DOT1L: variants seen among roughly 807,000 people sequenced by gnomAD.
DOT1L encodes histone-lysine N-methyltransferase, H3 lysine-79 specific.
In DOT1L, 33 loss-of-function variants were observed where a neutral mutation model predicts 153.3. That is an observed-to-expected ratio of 0.22 (90% CI 0.16 to 0.29). DOT1L has a LOEUF of 0.29. DOT1L is among the 10% of genes least tolerant of loss of function. The probability of loss-of-function intolerance (pLI) is 1.00; values close to 1 mark genes in which losing one functional copy is unlikely to be tolerated. For missense variants in DOT1L, 1,847 were observed against 2,119.9 expected (o/e 0.87, Z 2.53); for synonymous variants, 1,135 against 965.1 (o/e 1.18, Z -3.26).
rs73516503 is a variant in DOT1L, at chr19:2,208,586, C to T, written c.964-349C>T. On this transcript the variant is annotated intron_variant, in intron 11 of 27. Transcript: ENST00000398665. The surrounding 1 kb of genome is among the most constrained non-coding windows in gnomAD (Gnocchi z 4.4). ...GCTGCCCTGGCACTGACGCCCTCGG[C>T]GCAGCCTCTCGCCTTCTCCTCTGAG... Among the ~76,000 whole-genome samples the T allele has an allele frequency of 3.4e-3, 518 of 152,300 alleles. 1 individual carries two copies. Among genetic ancestry groups the T allele is most frequent in the African/African-American group, 0.012 (482 of 41,550 alleles).
chr19:2,218,675 G>C (rs1390721352), intron 22 of DOT1L, among the ~76,000 whole-genome samples: 1 of 151,548 alleles, frequency 6.6e-6, no homozygotes, highest in Non-Finnish European at 1.5e-5. Flanking sequence ...TTACAGGCGT[G>C]AGCCACGACG....
At chr19:2,211,493 C>T (rs1438413544) in intron 15 of DOT1L, among the ~76,000 whole-genome samples, 1 of 152,204 alleles carries the variant, frequency 6.6e-6, no homozygotes, top group African/African-American at 2.4e-5. Flanking sequence ...GGGTGCAGGC[C>T]AGGGATGCTG....
rs2024184524 is a variant in DOT1L, at chr19:2,222,986, G to GCTGTCTC, written c.3391-294_3391-288dup. On this transcript the variant is annotated intron_variant, in intron 24 of 27. Transcript: ENST00000398665. The surrounding 1 kb of genome is among the most constrained non-coding windows in gnomAD (Gnocchi z 6.5). ...GCAGCCTGGGAAGAGGCGGCCGACA[G>GCTGTCTC]CTGTCTCTGGGGTTCGGAGTGCGAT... The GCTGTCTC allele has an allele frequency of 1.5e-5, 7 of 456,068 alleles. No individual in the cohort carries two copies. In the East Asian group the frequency reaches 2.6e-4, roughly 17 times the overall value. The allele number at this position is 456,068 out of a possible 1,614,324, so 28.3% of individuals were successfully genotyped here.
chr19:2,229,225 G>A (rs537716383), intron 27 of DOT1L: 12 of 985,466 alleles, frequency 1.2e-5, no homozygotes, highest in Non-Finnish European at 1.4e-5. Context: ...TGGAGACTGT[G>A]GCCGCTGACC....
Position 2,164,110 on chromosome 19 carries a change from C to A in DOT1L, c.-75C>A. ...CTCCCGCCCCTCCCTCCCGCCCGCC[C>A]TCCTCCGCCCACCGGCGGCCCCGCC... On this transcript the variant is annotated 5_prime_UTR_variant, in exon 1 of 28. Coordinates refer to ENST00000398665, the MANE Select transcript of DOT1L (RefSeq NM_032482.3). 3.6e-6 allele frequency: 1 copy of A among 274,352 alleles called. No individual in the cohort carries two copies. The highest frequency in any genetic ancestry group is 5.7e-6 in the Non-Finnish European group (1 of 174,420). The allele number at this position is 274,352 out of a possible 1,614,324, so 17.0% of individuals were successfully genotyped here.
Position 2,202,787 on chromosome 19 carries a change from G to A in DOT1L, c.787+8G>A, listed in dbSNP as rs778873889. On this transcript the variant is annotated splice_region_variant and intron_variant, in intron 9 of 27. Transcript: ENST00000398665. ...TTGCAAACATGAAGGAAGGTAAGGCGCCCTCCTCGCCGGTCTGTGCTGGTG... is the reference window on the plus strand; with the variant it reads ...TTGCAAACATGAAGGAAGGTAAGGCACCCTCCTCGCCGGTCTGTGCTGGTG... 9.5e-5 allele frequency: 153 copies of A among 1,614,058 alleles called. No individual in the cohort carries two copies. The highest frequency in any genetic ancestry group is 4.7e-5 in the Non-Finnish European group (55 of 1,180,002).
intron 8 of DOT1L, among the ~76,000 whole-genome samples, chr19:2,201,591 G>T (rs1242573877): frequency 1.3e-5 from 2 of 152,232 alleles, no homozygotes; most frequent in East Asian, 1.9e-4. Context: ...TGCTGTGCCC[G>T]CCGGCGGGTG....
At chr19:2,166,545 G>A (rs2019930088) in intron 1 of DOT1L, among the ~76,000 whole-genome samples, 1 of 152,088 alleles carries the variant, frequency 6.6e-6, no homozygotes, top group African/African-American at 2.4e-5. Flanking sequence ...CTGAGTAGCT[G>A]GGATTACTGG....
intron 8 of DOT1L, among the ~76,000 whole-genome samples, chr19:2,200,178 G>C (rs565321776): frequency 2.0e-5 from 3 of 152,274 alleles, no homozygotes; most frequent in East Asian, 1.9e-4. Flanking sequence ...CAGTGAGCCC[G>C]TTCCTGCTGC....
chr19:2,171,054 C>G (rs1205936096), intron 1 of DOT1L, among the ~76,000 whole-genome samples: 1 of 152,200 alleles, frequency 6.6e-6, no homozygotes, highest in Non-Finnish European at 1.5e-5. Flanking sequence ...TCTCCGCCTC[C>G]CAGGCTGAAA....
rs1222977879 is a variant in DOT1L, at chr19:2,226,866, T to C, written c.4345T>C (p.Ser1449Pro). ...LSGPGLAPAA[S>P]SAGGAASSAQ... is the part of the protein sequence containing the mutation. ...CGGCCCCGGCCTGGCCCCGGCGGCG[T>C]CCTCCGCAGGCGGCGCGGCGTCCTC... The change falls in exon 27 of 28, where the codon TCC (serine) becomes CCC (proline). Residue 1449 changes from serine (S) to proline (P), a missense_variant. Coordinates refer to ENST00000398665, the MANE Select transcript of DOT1L (RefSeq NM_032482.3). 1 of 1,574,478 alleles carries C rather than the reference T, an allele frequency of 6.4e-7. No individual in the cohort carries two copies. The highest frequency in any genetic ancestry group is 8.6e-7 in the Non-Finnish European group (1 of 1,168,474).
At chr19:2,228,011 C>T (rs1037080961) in intron 27 of DOT1L, 1 of 1,296,694 alleles carries the variant, frequency 7.7e-7, no homozygotes, top group Non-Finnish European at 1.0e-6. Context: ...CTAACGCCGC[C>T]TTGCCTCCTC....
intron 1 of DOT1L, among the ~76,000 whole-genome samples, chr19:2,171,867 G>A (rs1356159794): frequency 6.6e-6 from 1 of 152,228 alleles, no homozygotes; most frequent in Non-Finnish European, 1.5e-5. Flanking sequence ...TGCCCAGAAT[G>A]TATGCGCGGC....
At chr19:2,216,930 G>C in intron 20 of DOT1L, 25 bp from the exon 21 acceptor site, 1 of 1,596,314 alleles carries the variant, frequency 6.3e-7, no homozygotes, top group South Asian at 1.1e-5. Context: ...CGGCCCTCGA[G>C]AGTGACTGCA....
intron 1 of DOT1L, among the ~76,000 whole-genome samples, chr19:2,172,435 C>A (rs1338545666): frequency 6.6e-6 from 1 of 151,498 alleles, no homozygotes; most frequent in African/African-American, 2.4e-5. Context: ...ATGATCCACC[C>A]GCCTTGGGCT....
At chr19:2,195,231 G>A (rs980245912) in intron 7 of DOT1L, among the ~76,000 whole-genome samples, 1 of 151,998 alleles carries the variant, frequency 6.6e-6, no homozygotes, top group Non-Finnish European at 1.5e-5. Flanking sequence ...GCTTCCAGGA[G>A]TAGCCACCAC....
intron 1 of DOT1L, among the ~76,000 whole-genome samples, chr19:2,176,552 C>T (rs976077819): frequency 6.6e-6 from 1 of 152,240 alleles, no homozygotes; most frequent in Admixed American, 6.5e-5. Context: ...GCATTTCCAG[C>T]CCTCACACCT....
At position 2,231,733 on chromosome 19, in the gene DOT1L, C is replaced by T. The variant is rs116269952; in HGVS notation, c.*1941C>T. The T allele has an allele frequency of 3.3e-5, 7 of 213,354 alleles. No homozygotes were observed. Among genetic ancestry groups the T allele is most frequent in the Admixed American group, 1.8e-4 (3 of 17,044 alleles). 13.2% of individuals were successfully genotyped at this position (213,354 alleles called of 1,614,324 possible). ...CCACAGGGTTGATGGCAGAGACGGC[C>T]GAGTCCCTGGTCTAGAACAAGACAC... On this transcript the variant is annotated 3_prime_UTR_variant, in exon 28 of 28. Coordinates refer to ENST00000398665, the MANE Select transcript of DOT1L (RefSeq NM_032482.3).
In DOT1L at chr19:2,220,391, C is replaced by G. The variant is rs1036549800; in HGVS notation, c.2806+169C>G. The G allele has an allele frequency of 1.5e-5, 11 of 735,138 alleles. No individual in the cohort carries two copies. The African/African-American group carries it at 1.7e-4, about 12-fold the overall frequency. The allele number at this position is 735,138 out of a possible 1,614,324, so 45.5% of individuals were successfully genotyped here. On this transcript the variant is annotated intron_variant, in intron 23 of 27. Coordinates refer to ENST00000398665, the MANE Select transcript of DOT1L (RefSeq NM_032482.3). This position sits in a 1 kb window ranked among gnomAD's most constrained non-coding sequence, Gnocchi z 4.5. ...GACACCCTTTCCTGCATCCCACGAGCTGGGATGCGGATCGGGCTCAGCTGC... is the reference window on the plus strand; with the variant it reads ...GACACCCTTTCCTGCATCCCACGAGGTGGGATGCGGATCGGGCTCAGCTGC...
Sources: gnomAD v4.1 joint callset for allele counts (sites outside exome capture counted in the v4.1 genomes callset) on GRCh38, gnomAD v4.1.1 for gene constraint, Gnocchi (gnomAD v3.1) non-coding constraint, MANE v1.5 for transcripts, NCBI Gene and HGNC (gene_info 2026-07-23, HGNC 2026-07-21) for gene names.